Variants in MAP3K20 observed in about 807,000 individuals in gnomAD.
MAP3K20 encodes the protein mitogen-activated protein kinase kinase kinase 20, also known as HCCS-4.
MAP3K20 carries 40 observed loss-of-function variants against 85.7 expected under a neutral mutation model. The observed-to-expected ratio is 0.47, with a 90% CI of 0.36 to 0.61. MAP3K20 has a LOEUF of 0.61. MAP3K20 is among the 20% of genes least tolerant of loss of function. MAP3K20 has a pLI of 0.00. For synonymous variants in MAP3K20, 325 were observed against 327.7 expected, an observed-to-expected ratio of 0.99 and a Z score of 0.09; for missense variants, 817 against 961.7, an observed-to-expected ratio of 0.85 and a Z score of 1.99.
chr2:173,203,828 T>G lies in MAP3K20; in HGVS notation c.702T>G (p.Ser234Arg), dbSNP rs1232589575. 1 of 1,613,830 alleles carries G rather than the reference T, an allele frequency of 6.2e-7. No homozygotes were observed. The highest frequency in any genetic ancestry group is 1.3e-5 in the African/African-American group (1 of 74,922). ...RLTIPSSCPRSFAELLHQCWE... is the reference protein window; with the variant it reads ...RLTIPSSCPRRFAELLHQCWE... ...CCATTCCAAGCAGTTGCCCCAGAAG[T>G]TTTGCTGAACTGTTACATCAGTGTT... Residue 234 changes from serine to arginine, a missense_variant, in exon 9 of 20, where the codon AGT (serine) becomes AGG (arginine). By Grantham distance (110) the Ser-to-Arg change is moderately radical. This residue lies in a region of MAP3K20 where 200 missense variants were observed against 302.7 expected (regional missense o/e 0.66). Transcript: ENST00000375213.
At chr2:173,194,482 T>C (rs979300941) in intron 7 of MAP3K20, among the ~76,000 whole-genome samples, 4 of 152,176 alleles carry the variant, frequency 2.6e-5, no homozygotes, top group Non-Finnish European at 5.9e-5. Flanking sequence ...GTAGATGTTA[T>C]AGAAAAGAGC....
rs564481975 is a variant in MAP3K20, at chr2:173,257,369, CCATT to C, written c.1360-1329_1360-1326del. Among the ~76,000 whole-genome samples the C allele has an allele frequency of 5.9e-4, 90 of 152,248 alleles. 2 individuals are homozygous for C. Among genetic ancestry groups the C allele is most frequent in the African/African-American group, 2.0e-3 (84 of 41,540 alleles). On this transcript the variant is annotated intron_variant, in intron 16 of 19. Transcript: ENST00000375213. ...GCAAGCACCCTTCTGAATTTTTCTA[CCATT>C]AATTAGTTTTGTCTGTTCTAGAATA...
At position 173,085,784 on chromosome 2, in the gene MAP3K20, ATTTT is replaced by A. The variant is rs61431056; in HGVS notation, c.-34-5188_-34-5185del. 8.5e-3 allele frequency among the ~76,000 whole-genome samples: 623 copies of A among 73,710 alleles called. 3 individuals carry two copies. Among genetic ancestry groups the A allele is most frequent in the Admixed American group, 0.012 (55 of 4,722 alleles). The allele number at this position is 73,710 out of a possible 152,430, so 48.4% of individuals were successfully genotyped here. A position where few individuals can be genotyped will look rare whatever the true frequency, so the allele number is the denominator to read the frequency against. ...AAATTGCCTTTTTTGTGTAAAAGCA[ATTTT>A]TTTTTTTTTTTTTTTTTTTTTTTTT... On this transcript the variant is annotated intron_variant, in intron 1 of 19. Coordinates refer to ENST00000375213, the MANE Select transcript of MAP3K20 (RefSeq NM_016653.3).
At chr2:173,164,062 C>T (rs1421139856) in intron 2 of MAP3K20, among the ~76,000 whole-genome samples, 6 of 151,762 alleles carry the variant, frequency 4.0e-5, no homozygotes, top group Admixed American at 2.6e-4. Flanking sequence ...CAGGTTTAAA[C>T]GATTCTCCTG....
At chr2:173,105,672 T>C (rs1386884923) in intron 2 of MAP3K20, among the ~76,000 whole-genome samples, 2 of 152,152 alleles carry the variant, frequency 1.3e-5, no homozygotes, top group African/African-American at 2.4e-5. Context: ...AGGACCAATA[T>C]TGTACAATTC....
In MAP3K20 at chr2:173,232,340, A is replaced by T. The variant is rs1254551941; in HGVS notation, c.1084A>T (p.Ser362Cys). The change falls in exon 14 of 20, where the codon AGT becomes TGT. Residue 362 changes from serine to cysteine, a missense_variant. Physicochemically the swap from Ser to Cys is moderately radical, Grantham distance 112. Coordinates refer to ENST00000375213, the MANE Select transcript of MAP3K20 (RefSeq NM_016653.3). The stretch of plus-strand genomic sequence containing the variant: ...TTCAGGTGACTCTTCAGCAGAGATG[A>T]GTGTATATGCAAGCTTGTTTAAAGA... The part of the protein sequence containing the change: ...VRKGDSSAEM[S>C]VYASLFKENN... The T allele has an allele frequency of 1.9e-6, 3 of 1,614,192 alleles. 1 individual carries two copies. The East Asian group carries it at 6.7e-5, about 36-fold the overall frequency.
rs386391866 is a variant in MAP3K20, at chr2:173,128,921, C to CTTTTTTTT, written c.159+37743_159+37750dup. ...TTCAGATCAATTTTAGAAATCTTTT[C>CTTTTTTTT]TTTTTTTTTTTTTTTTTTTGAGGCA... On this transcript the variant is annotated intron_variant, in intron 2 of 19. Transcript: ENST00000375213. 4.7e-4 allele frequency among the ~76,000 whole-genome samples: 54 copies of CTTTTTTTT among 116,064 alleles called. 1 individual carries two copies. The highest frequency in any genetic ancestry group is 9.2e-4 in the African/African-American group (28 of 30,420). 76.1% of individuals were successfully genotyped at this position (116,064 alleles called of 152,430 possible).
rs1330478380 is a variant in MAP3K20 at position 173,191,093 on chromosome 2, G to A, written c.498G>A (p.Leu166=). The A allele has an allele frequency of 1.9e-6, 3 of 1,613,922 alleles. No individual in the cohort carries two copies. The highest frequency in any genetic ancestry group is 4.5e-5 in the East Asian group (2 of 44,864). Residue 166 remains leucine, a synonymous_variant, in exon 7 of 20, where the codon TTG becomes TTA. Coordinates refer to ENST00000375213, the MANE Select transcript of MAP3K20 (RefSeq NM_016653.3). ...ATAACCATACAACACACATGTCCTT[G>A]GTTGGAACTTTCCCATGGATGGCTC... The part of the protein sequence containing the change: ...RFHNHTTHMS[L]VGTFPWMAPE...
chr2:173,195,979 A>T (rs1269529278), intron 7 of MAP3K20, among the ~76,000 whole-genome samples: 1 of 152,210 alleles, frequency 6.6e-6, no homozygotes, highest in Non-Finnish European at 1.5e-5. Flanking sequence ...ATATTTTGGA[A>T]TCAAGAATGA....
intron 3 of MAP3K20, among the ~76,000 whole-genome samples, chr2:173,176,357 CT>C (rs978091686): frequency 6.6e-6 from 1 of 151,788 alleles, no homozygotes; most frequent in Admixed American, 6.6e-5. Context: ...TTTTTGTTCA[CT>C]TTTGTTAACT....
At chr2:173,076,168 C>T (rs1238158312) in intron 1 of MAP3K20, among the ~76,000 whole-genome samples, 166 bp downstream of exon 1, 3 of 151,278 alleles carry the variant, frequency 2.0e-5, no homozygotes, top group Non-Finnish European at 3.0e-5. Flanking sequence ...AGGGCCCGCC[C>T]GGCGGCGGCG....
At chr2:173,140,183 T>A (rs1688927569) in intron 2 of MAP3K20, among the ~76,000 whole-genome samples, 1 of 151,950 alleles carries the variant, frequency 6.6e-6, no homozygotes, top group African/African-American at 2.4e-5. Flanking sequence ...AGCTAATTTT[T>A]GTATTTTTAG....
Position 173,261,088 on chromosome 2 carries a change from T to C in MAP3K20, c.1502T>C (p.Ile501Thr), listed in dbSNP as rs780050080. The change falls in exon 18 of 20, where the codon ATT becomes ACT. Residue 501 changes from isoleucine to threonine, a missense_variant. By Grantham distance (89) the Ile-to-Thr change is moderately conservative (BLOSUM62 -1). Coordinates refer to ENST00000375213, the MANE Select transcript of MAP3K20 (RefSeq NM_016653.3). ...CCACCATTTGTAATGGAGAAGTGGA[T>C]TGTAGGAATAGCAAAAAGTCAGACT... is the stretch of plus-strand genomic sequence containing the variant. ...TKPPFVMEKW[I>T]VGIAKSQTVE... is the part of the protein sequence containing the mutation. 5.0e-6 allele frequency: 8 copies of C among 1,613,608 alleles called. No homozygotes were observed. In the South Asian group the frequency reaches 5.5e-5, roughly 11 times the overall value.
intron 2 of MAP3K20, among the ~76,000 whole-genome samples, chr2:173,162,862 G>A (rs911772812): frequency 2.0e-5 from 3 of 152,118 alleles, no homozygotes; most frequent in Admixed American, 6.6e-5. Context: ...ACCCCGCTGA[G>A]ACACAATCTT....
At chr2:173,095,636 T>C (rs1266379017) in intron 2 of MAP3K20, among the ~76,000 whole-genome samples, 9 of 152,184 alleles carry the variant, frequency 5.9e-5, no homozygotes, top group Admixed American at 5.9e-4. Flanking sequence ...GCTCTGGGAC[T>C]TAATAATCAG....
chr2:173,079,954 A>T (rs1163301054), intron 1 of MAP3K20, among the ~76,000 whole-genome samples: 2 of 152,248 alleles, frequency 1.3e-5, no homozygotes, highest in Middle Eastern at 3.4e-3. Context: ...TAGTAAATAC[A>T]TAAATGAGTA....
At chr2:173,200,203 GA>G (rs1158479764) in intron 8 of MAP3K20, among the ~76,000 whole-genome samples, 5 of 152,218 alleles carry the variant, frequency 3.3e-5, no homozygotes, top group African/African-American at 1.2e-4. Context: ...CAAAAATATG[GA>G]AATTAAGTTT....
In MAP3K20 at chr2:173,232,342, T is replaced by C. The variant is rs1466852021; in HGVS notation, c.1086T>C (p.Ser362=). 11 of 1,614,140 alleles carry C rather than the reference T, an allele frequency of 6.8e-6. No homozygotes were observed. The highest frequency in any genetic ancestry group is 8.5e-6 in the Non-Finnish European group (10 of 1,180,020). Residue 362 remains serine (S), a synonymous_variant, in exon 14 of 20, where the codon AGT becomes AGC. Transcript: ENST00000375213. ...CAGGTGACTCTTCAGCAGAGATGAG[T>C]GTATATGCAAGCTTGTTTAAAGAAA... ...VRKGDSSAEM[S]VYASLFKENN... is the part of the protein sequence containing the mutation.
intron 2 of MAP3K20, among the ~76,000 whole-genome samples, chr2:173,139,608 T>C (rs1559248402): frequency 6.6e-6 from 1 of 152,250 alleles, no homozygotes; most frequent in Non-Finnish European, 1.5e-5. Flanking sequence ...ATCTTACTTA[T>C]AAGTAAAATA....
Sources: gnomAD v4.1 joint callset for allele counts (sites outside exome capture counted in the v4.1 genomes callset) on GRCh38, gnomAD v4.1.1 for gene constraint, gnomAD v4.1.1 regional missense constraint, MANE v1.5 for transcripts, NCBI Gene and HGNC (gene_info 2026-07-23, HGNC 2026-07-21) for gene names.